Variants in RMI2 observed in about 807,000 individuals in gnomAD.
RMI2 encodes the protein RecQ mediated genome instability 2.
Under a neutral mutation model 8.4 loss-of-function variants are expected in RMI2, and 11 were observed. The ratio of observed to expected loss-of-function variants is 1.32; its 90% confidence interval spans 0.83 to 2.18. RMI2 has a LOEUF of 2.18. Ranked by LOEUF, RMI2 falls within the 30% of genes most tolerant of loss-of-function variation. RMI2 has a pLI of 0.00. For synonymous variants in RMI2, 105 were observed against 93.8 expected (o/e 1.12, Z -0.69); for missense variants, 253 against 207.5 (o/e 1.22, Z -1.35).
In RMI2 at chr16:11,348,293, C is replaced by T. The variant is rs905141084; in HGVS notation, c.296-2349C>T. The T allele has an allele frequency of 1.8e-4, 27 of 152,264 alleles. 1 individual carries two copies. The highest frequency in any genetic ancestry group is 6.5e-4 in the African/African-American group (27 of 41,470). The allele number at this position is 152,264 out of a possible 1,614,324, so 9.4% of individuals were successfully genotyped here. A position where few individuals can be genotyped will look rare whatever the true frequency, so the allele number is the denominator to read the frequency against. On this transcript the variant is annotated intron_variant, in intron 1 of 1. Transcript: ENST00000312499. ...CTCGCCCTTTACAGAAAAAGTTTGC[C>T]AACCCTTGGCCTTAGCCTTGGCCCA... is the stretch of plus-strand genomic sequence containing the variant.
In RMI2 at chr16:11,345,652, C is replaced by T. The variant is rs1195908790; in HGVS notation, c.181C>T (p.Gln61Ter). 3 of 1,268,960 alleles carry T rather than the reference C, an allele frequency of 2.4e-6. No homozygotes were observed. The highest frequency in any genetic ancestry group is 3.6e-5 in the South Asian group (1 of 27,876). 78.6% of individuals were successfully genotyped at this position (1,268,960 alleles called of 1,614,324 possible). A position where few individuals can be genotyped will look rare whatever the true frequency, so the allele number is the denominator to read the frequency against. ...GPLDLAAVWM[Q>*]GRVVMADRGE... ...GCTGGACCTGGCGGCCGTGTGGATG[C>T]AGGGCAGGGTAGTGATGGCGGACCG... Residue 61 changes from glutamine (Q) to a stop codon, truncating the protein, a stop_gained, in exon 1 of 2, where the codon CAG becomes TAG. Transcript: ENST00000312499. LOFTEE classifies it high-confidence loss of function.
In RMI2 at chr16:11,350,907, G is replaced by A. The variant is rs1346479677; in HGVS notation, c.*117G>A. 2.3e-6 allele frequency: 2 copies of A among 881,896 alleles called. No homozygotes were observed. Among genetic ancestry groups the A allele is most frequent in the African/African-American group, 1.8e-5 (1 of 57,140 alleles). 54.6% of individuals were successfully genotyped at this position (881,896 alleles called of 1,614,324 possible). On this transcript the variant is annotated 3_prime_UTR_variant, in exon 2 of 2. Coordinates refer to ENST00000312499, the MANE Select transcript of RMI2 (RefSeq NM_152308.3). Reference sequence around the variant, plus strand: ...GTATTTTTCAAATGCTTCTCAGAGAGCCTTGCTTTGGTTGACCAAGGAGTC... The same window carrying A: ...GTATTTTTCAAATGCTTCTCAGAGAACCTTGCTTTGGTTGACCAAGGAGTC...
chr16:11,346,384 C>T (rs1289905248), intron 1 of RMI2, among the ~76,000 whole-genome samples: 1 of 151,932 alleles, frequency 6.6e-6, no homozygotes, highest in Non-Finnish European at 1.5e-5. Context: ...TTCAGCCTCC[C>T]GAGTAGCTGG....
intron 1 of RMI2, 110 bp downstream of exon 1, chr16:11,345,876 G>T (rs918739): frequency 0.64 from 596,684 of 926,090 alleles, 195,918 homozygotes; most frequent in Non-Finnish European, 0.67. Context: ...GGCGGGTCTG[G>T]CCCTCCTCCG....
Position 11,351,077 on chromosome 16 carries a change from C to T in RMI2, c.*287C>T, listed in dbSNP as rs2070965105. 6.8e-6 allele frequency: 2 copies of T among 292,302 alleles called. No homozygotes were observed. The highest frequency in any genetic ancestry group is 9.8e-4 in the Middle Eastern group (1 of 1,022). 18.1% of individuals were successfully genotyped at this position (292,302 alleles called of 1,614,324 possible). ...GTGTGTGTTAATTCTCTCTCTCTCT[C>T]TCAGACACAGAAGTCTCATGTTGCA... On this transcript the variant is annotated 3_prime_UTR_variant, in exon 2 of 2. Coordinates refer to ENST00000312499, the MANE Select transcript of RMI2 (RefSeq NM_152308.3).
chr16:11,345,631 G>A lies in RMI2; in HGVS notation c.160G>A (p.Asp54Asn). The change falls in exon 1 of 2, where the codon GAC becomes AAC. Residue 54 changes from aspartate (D) to asparagine (N), a missense_variant. Physicochemically the swap from Asp to Asn is conservative, Grantham distance 23 (BLOSUM62 1). Transcript: ENST00000312499. ...GGCGGCGGCGGGCCGCGGGCCGCTG[G>A]ACCTGGCGGCCGTGTGGATGCAGGG... ...SRAAAGRGPL[D>N]LAAVWMQGRV... 1.6e-6 allele frequency: 2 copies of A among 1,250,918 alleles called. No homozygotes were observed. The highest frequency in any genetic ancestry group is 2.0e-6 in the Non-Finnish European group (2 of 999,262). The allele number at this position is 1,250,918 out of a possible 1,614,324, so 77.5% of individuals were successfully genotyped here. A position where few individuals can be genotyped will look rare whatever the true frequency, so the allele number is the denominator to read the frequency against.
intron 1 of RMI2, among the ~76,000 whole-genome samples, chr16:11,347,919 T>G (rs2070901490): frequency 6.6e-6 from 1 of 152,148 alleles, no homozygotes; most frequent in Non-Finnish European, 1.5e-5. Flanking sequence ...TAGCTGGGAT[T>G]ACAGGTGTGC....
chr16:11,349,807 G>A lies in RMI2; in HGVS notation c.296-835G>A, dbSNP rs568251408. 1.2e-4 allele frequency among the ~76,000 whole-genome samples: 19 copies of A among 152,322 alleles called. 1 individual carries two copies. In the South Asian group the frequency reaches 2.9e-3, roughly 23 times the overall value. On this transcript the variant is annotated intron_variant, in intron 1 of 1. Transcript: ENST00000312499. This position sits in a 1 kb window ranked among gnomAD's most constrained non-coding sequence, Gnocchi z 4.2. ...CGGGCCTGTCCTTCCTGCAGCATTT[G>A]GAGTTTTCTTTTACACAATCGGGTT...
At position 11,345,785 on chromosome 16, in the gene RMI2, C is replaced by T. The variant is rs755194468; in HGVS notation, c.295+19C>T. 1.6e-6 allele frequency: 2 copies of T among 1,231,376 alleles called. No individual in the cohort carries two copies. 76.3% of individuals were successfully genotyped at this position (1,231,376 alleles called of 1,614,324 possible). On this transcript the variant is annotated intron_variant, in intron 1 of 1. Coordinates refer to ENST00000312499, the MANE Select transcript of RMI2 (RefSeq NM_152308.3). ...GTCCCAGGTAATGCCCGGGCCTTAC[C>T]GGGCGCCCTCTTCCCTGCTGCCCGC...
intron 1 of RMI2, 40 bp downstream of exon 1, chr16:11,345,806 C>T: frequency 1.6e-6 from 2 of 1,223,434 alleles, no homozygotes; most frequent in Non-Finnish European, 2.0e-6. Context: ...TTCCCTGCTG[C>T]CCGCCGAGAA....
chr16:11,348,704 G>A (rs2141214103), intron 1 of RMI2: 1 of 152,424 alleles, frequency 6.6e-6, no homozygotes, highest in Admixed American at 6.5e-5. Context: ...AGCCCTGAAG[G>A]ATGCATTGGA....
rs1484849107 is a variant in RMI2 at position 11,351,341 on chromosome 16, A to G, written c.*551A>G. 1 of 232,776 alleles carries G rather than the reference A, an allele frequency of 4.3e-6. No individual in the cohort carries two copies. Among genetic ancestry groups the G allele is most frequent in the African/African-American group, 2.2e-5 (1 of 45,330 alleles). 14.4% of individuals were successfully genotyped at this position (232,776 alleles called of 1,614,324 possible). Reference sequence around the variant, plus strand: ...CGGCAGGCATGGCGGCCCCTGAAAGACAACAGCTCCCTTTCTGCTTCGGAC... The same window carrying G: ...CGGCAGGCATGGCGGCCCCTGAAAGGCAACAGCTCCCTTTCTGCTTCGGAC... On this transcript the variant is annotated 3_prime_UTR_variant, in exon 2 of 2. Transcript: ENST00000312499.
In RMI2 at chr16:11,350,727, TAATCC is replaced by T. The variant is rs755204611; in HGVS notation, c.382_386del (p.Asn128HisfsTer3). 6.2e-7 allele frequency: 1 copy of T among 1,613,516 alleles called. No individual in the cohort carries two copies. The highest frequency in any genetic ancestry group is 1.1e-5 in the South Asian group (1 of 91,042). On this transcript the variant is annotated frameshift_variant, in exon 2 of 2. Transcript: ENST00000312499. LOFTEE classifies it high-confidence loss of function. ...CTGTGAAGATGACAGACCTTTCTGA[TAATCC>T]CATCCATGAAAGTATGTGGGAACTG... is the stretch of plus-strand genomic sequence containing the variant.
At position 11,349,849 on chromosome 16, in the gene RMI2, G is replaced by C. The variant is rs1264212635; in HGVS notation, c.296-793G>C. ...AATCGGGTTTTATGTGGTTGAGACT[G>C]GCCAAGTTTTGCTTTCAAGGAGAGT... is the stretch of plus-strand genomic sequence containing the variant. On this transcript the variant is annotated intron_variant, in intron 1 of 1. Coordinates refer to ENST00000312499, the MANE Select transcript of RMI2 (RefSeq NM_152308.3). The surrounding 1 kb of genome is among the most constrained non-coding windows in gnomAD (Gnocchi z 4.2). 2.0e-5 allele frequency among the ~76,000 whole-genome samples: 3 copies of C among 152,218 alleles called. No individual in the cohort carries two copies. The highest frequency in any genetic ancestry group is 4.8e-5 in the African/African-American group (2 of 41,460).
At chr16:11,348,888 C>T (rs1040686786) in intron 1 of RMI2, 1 of 152,372 alleles carries the variant, frequency 6.6e-6, no homozygotes, top group Non-Finnish European at 1.5e-5. Context: ...GATAGAGCCG[C>T]GTGCCTTTGG....
intron 1 of RMI2, chr16:11,348,297 C>G (rs939265915): frequency 5.9e-5 from 9 of 152,274 alleles, no homozygotes; most frequent in African/African-American, 1.9e-4. Flanking sequence ...GTTTGCCAAC[C>G]CTTGGCCTTA....
rs2070968630 is a variant in RMI2, at chr16:11,351,280, C to T, written c.*490C>T. On this transcript the variant is annotated 3_prime_UTR_variant, in exon 2 of 2. Coordinates refer to ENST00000312499, the MANE Select transcript of RMI2 (RefSeq NM_152308.3). ...TCCTCATCTTCTTCATCAGCAACTA[C>T]CATAACCAGTTTGCGAGTCAAATGG... The T allele has an allele frequency of 4.3e-6, 1 of 233,210 alleles. No homozygotes were observed. Among genetic ancestry groups the T allele is most frequent in the Non-Finnish European group, 8.5e-6 (1 of 118,002 alleles). 14.4% of individuals were successfully genotyped at this position (233,210 alleles called of 1,614,324 possible).
chr16:11,346,997 A>G (rs930302020), intron 1 of RMI2, among the ~76,000 whole-genome samples: 1 of 152,242 alleles, frequency 6.6e-6, no homozygotes, highest in South Asian at 2.1e-4. Context: ...TTCCTGACAC[A>G]TAAGTGCTCC....
intron 1 of RMI2, chr16:11,348,010 C>T (rs747980276): frequency 3.3e-5 from 5 of 152,202 alleles, no homozygotes; most frequent in Non-Finnish European, 5.9e-5. Context: ...GTCTGGAGCT[C>T]CTGGCCACCT....
Sources: allele counts gnomAD v4.1 joint callset (sites outside exome capture counted in the v4.1 genomes callset), GRCh38; gene constraint gnomAD v4.1.1; non-coding constraint Gnocchi (gnomAD v3.1); transcripts MANE v1.5; gene names NCBI Gene and HGNC (gene_info 2026-07-23, HGNC 2026-07-21).